The following SEPTIN8 variants were observed in gnomAD, a reference collection of about 807,000 sequenced individuals.
SEPTIN8 encodes septin-8.
In SEPTIN8, 22 loss-of-function variants were observed where a neutral mutation model predicts 53.1. The observed-to-expected ratio is 0.41, with a 90% CI of 0.30 to 0.59. The LOEUF is 0.59. Ranked by LOEUF, SEPTIN8 falls within the 20% of genes least tolerant of loss-of-function variation. The pLI is 0.24. For synonymous variants in SEPTIN8, 228 were observed against 248.4 expected (o/e 0.92, Z 0.77); for missense variants, 536 against 638.7 (o/e 0.84, Z 1.73).
Position 132,767,943 on chromosome 5 carries a change from CCACACACACACA to C in SEPTIN8, c.31-2426_31-2415del, listed in dbSNP as rs57640097. The stretch of plus-strand genomic sequence containing the variant: ...CCACCAAGTCAGCTGTGTCTGGAAA[CCACACACACACA>C]CACACACACACACACACACACACAC... On this transcript the variant is annotated intron_variant, in intron 1 of 9. Transcript: ENST00000378719. Among the ~76,000 whole-genome samples the C allele has an allele frequency of 2.5e-3, 323 of 127,972 alleles. 1 individual carries two copies. Among genetic ancestry groups the C allele is most frequent in the African/African-American group, 8.1e-3 (281 of 34,702 alleles). 84.0% of individuals were successfully genotyped at this position (127,972 alleles called of 152,430 possible).
rs1756111317 is a variant in SEPTIN8, at chr5:132,762,656, CAG to C, written c.535-13_535-12del. The C allele has an allele frequency of 1.2e-6, 2 of 1,614,092 alleles. No homozygotes were observed. The highest frequency in any genetic ancestry group is 8.5e-7 in the Non-Finnish European group (1 of 1,179,962). The stretch of plus-strand genomic sequence containing the variant: ...GGGAATAATGTTCACCTGCCAGGAT[CAG>C]GGGAGGGGACAGCAGGCTGGTTGGC... On this transcript the variant is annotated splice_polypyrimidine_tract_variant and intron_variant, in intron 4 of 9. Transcript: ENST00000378719.
chr5:132,773,339 GAC>G lies in SEPTIN8; in HGVS notation c.30+3767_30+3768del, dbSNP rs1757496410. ...CAGGAAGGCTGGGGAGGCTGCAAGG[GAC>G]ACACAGAGGCCAGCTGGCCCTCAGG... On this transcript the variant is annotated intron_variant, in intron 1 of 9. Coordinates refer to ENST00000378719, the MANE Select transcript of SEPTIN8 (RefSeq NM_001098811.2). This position sits in a 1 kb window ranked among gnomAD's most constrained non-coding sequence, Gnocchi z 4.2. Among the ~76,000 whole-genome samples, 1 of 152,214 alleles carries G rather than the reference GAC, an allele frequency of 6.6e-6. No homozygotes were observed. Among genetic ancestry groups the G allele is most frequent in the Non-Finnish European group, 1.5e-5 (1 of 68,016 alleles).
rs1185700931 is a variant in SEPTIN8, at chr5:132,776,179, C to T, written c.30+929G>A. Among the ~76,000 whole-genome samples, 1 of 152,106 alleles carries T rather than the reference C, an allele frequency of 6.6e-6. No homozygotes were observed. On this transcript the variant is annotated intron_variant, in intron 1 of 9. Coordinates refer to ENST00000378719, the MANE Select transcript of SEPTIN8 (RefSeq NM_001098811.2). This position sits in a 1 kb window ranked among gnomAD's most constrained non-coding sequence, Gnocchi z 4.4. ...TCCCTCCTCCTCCTCCTCCTTCTCC[C>T]CCTCCTCCCCCTTCCAGCCGACCAG...
intron 9 of SEPTIN8, chr5:132,755,905 G>C: frequency 2.2e-6 from 2 of 920,344 alleles, no homozygotes; most frequent in Non-Finnish European, 2.6e-6. Flanking sequence ...AAAATTCAAA[G>C]AACAGACAAG....
In SEPTIN8 at chr5:132,760,813, C is replaced by T. The variant is rs758845486; in HGVS notation, c.1275G>A (p.Lys425=). Residue 425 remains lysine (K), a synonymous_variant, in exon 9 of 10, where the codon AAG becomes AAA. Transcript: ENST00000378719. The surrounding 1 kb of genome is among the most constrained non-coding windows in gnomAD (Gnocchi z 5.2). ...ATSQQPLRKD[K]DKKNRSDIGA... is the part of the protein sequence containing the mutation. ...AGCCTGCCACCTACTTCTTCTTGTC[C>T]TTGTCCTTCCTCAGGGGCTGCTGCG... 1.2e-6 allele frequency: 2 copies of T among 1,613,662 alleles called. No homozygotes were observed. Among genetic ancestry groups the T allele is most frequent in the Non-Finnish European group, 1.7e-6 (2 of 1,179,986 alleles).
intron 3 of SEPTIN8, 61 bp from the exon 4 acceptor site, chr5:132,763,953 G>GCTT: frequency 2.7e-6 from 4 of 1,478,424 alleles, no homozygotes; most frequent in African/African-American, 2.8e-5. Flanking sequence ...GGGGCTTGGG[G>GCTT]GGCTCAGGGC....
chr5:132,762,918 T>C (rs1756145697), intron 4 of SEPTIN8, among the ~76,000 whole-genome samples: 1 of 152,178 alleles, frequency 6.6e-6, no homozygotes, highest in Non-Finnish European at 1.5e-5. Context: ...CCCCTAGGCA[T>C]ACCCAGCTTT....
At chr5:132,769,558 G>T (rs1756959050) in intron 1 of SEPTIN8, among the ~76,000 whole-genome samples, 1 of 152,148 alleles carries the variant, frequency 6.6e-6, no homozygotes, top group African/African-American at 2.4e-5. Context: ...TGTATTGCAT[G>T]CTTGCTTTGC....
Position 132,765,873 on chromosome 5 carries a change from G to C in SEPTIN8, c.31-344C>G, listed in dbSNP as rs375736957. ...AGGGCCCACCTGTTTTCCTACTCAG[G>C]AGGAGGCCCCAGATGGTCCCAGAGG... On this transcript the variant is annotated intron_variant, in intron 1 of 9. Coordinates refer to ENST00000378719, the MANE Select transcript of SEPTIN8 (RefSeq NM_001098811.2). Among the ~76,000 whole-genome samples, 5 of 152,318 alleles carry C rather than the reference G, an allele frequency of 3.3e-5. No homozygotes were observed. The East Asian group carries it at 5.8e-4, about 18-fold the overall frequency.
chr5:132,763,662 CAGA>C (rs1756236357), intron 4 of SEPTIN8, 41 bp downstream of exon 4: 2 of 1,576,402 alleles, frequency 1.3e-6, no homozygotes, highest in African/African-American at 1.4e-5. Context: ...CGCATCGCAG[CAGA>C]AGACTATGGA....
rs753567516 is a variant in SEPTIN8, at chr5:132,760,886, C to T, written c.1202G>A (p.Arg401Gln). 8.1e-6 allele frequency: 13 copies of T among 1,611,828 alleles called. No individual in the cohort carries two copies. The highest frequency in any genetic ancestry group is 2.7e-5 in the African/African-American group (2 of 74,772). Residue 401 changes from arginine (R) to glutamine (Q), a missense_variant, in exon 9 of 10, where the codon CGG (arginine) becomes CAG (glutamine). Physicochemically the swap from Arg to Gln is conservative, Grantham distance 43 (BLOSUM62 1). Coordinates refer to ENST00000378719, the MANE Select transcript of SEPTIN8 (RefSeq NM_001098811.2). This position sits in a 1 kb window ranked among gnomAD's most constrained non-coding sequence, Gnocchi z 5.2. ...LEEETNAFNR[R>Q]KAAVEALQSQ... ...CTGCAGGGCCTCCACCGCAGCCTTC[C>T]GGCGATTGAAGGCGTTGGTCTCCTC...
At chr5:132,775,738 T>A (rs1420274655) in intron 1 of SEPTIN8, 1 of 152,120 alleles carries the variant, frequency 6.6e-6, no homozygotes, top group African/African-American at 2.4e-5. Flanking sequence ...CACTCACGGG[T>A]CTCTTGGCCT....
chr5:132,765,873 G>A (rs375736957), intron 1 of SEPTIN8, among the ~76,000 whole-genome samples: 2 of 152,200 alleles, frequency 1.3e-5, no homozygotes, highest in Non-Finnish European at 2.9e-5. Context: ...TCCTACTCAG[G>A]AGGAGGCCCC....
Position 132,764,435 on chromosome 5 carries a change from A to G in SEPTIN8, c.152-16T>C. The G allele has an allele frequency of 1.2e-6, 2 of 1,602,040 alleles. No individual in the cohort carries two copies. The highest frequency in any genetic ancestry group is 1.7e-6 in the Non-Finnish European group (2 of 1,172,758). On this transcript the variant is annotated splice_polypyrimidine_tract_variant and intron_variant, in intron 2 of 9. Coordinates refer to ENST00000378719, the MANE Select transcript of SEPTIN8 (RefSeq NM_001098811.2). ...CCGGTCTCCCCTGGGCAGTGAGGAC[A>G]GGAGGGGAAGAAGTGGGTGTCATAG...
chr5:132,770,111 A>G (rs557701066), intron 1 of SEPTIN8, among the ~76,000 whole-genome samples: 16 of 74,480 alleles, frequency 2.1e-4, no homozygotes, highest in South Asian at 6.3e-4. Flanking sequence ...GTATATATGT[A>G]TATATATATA....
rs143478652 is a variant in SEPTIN8 at position 132,762,226 on chromosome 5, C to T, written c.696+258G>A. 2.6e-5 allele frequency among the ~76,000 whole-genome samples: 4 copies of T among 152,340 alleles called. No individual in the cohort carries two copies. In the East Asian group the frequency reaches 7.7e-4, roughly 29 times the overall value. Reference sequence around the variant, plus strand: ...CCAAACCCTTAAGCCTGCTCAACTGCTTCCATTTCCAGGCTCCTCCATGAG... The same window carrying T: ...CCAAACCCTTAAGCCTGCTCAACTGTTTCCATTTCCAGGCTCCTCCATGAG... On this transcript the variant is annotated intron_variant, in intron 5 of 9. Coordinates refer to ENST00000378719, the MANE Select transcript of SEPTIN8 (RefSeq NM_001098811.2).
intron 4 of SEPTIN8, among the ~76,000 whole-genome samples, chr5:132,762,981 G>A (rs1756150594): frequency 6.6e-6 from 1 of 152,170 alleles, no homozygotes; most frequent in African/African-American, 2.4e-5. Flanking sequence ...CAGAAGGAGT[G>A]GTGGGGGGGC....
chr5:132,774,298 C>T (rs1757593116), intron 1 of SEPTIN8: 1 of 164,502 alleles, frequency 6.1e-6, no homozygotes, highest in African/African-American at 2.4e-5. Context: ...CTTCCTCTCC[C>T]CCTCAGCTTC....
upstream of SEPTIN8, chr5:132,777,383 G>A: frequency 9.8e-7 from 1 of 1,021,928 alleles, no homozygotes; most frequent in Admixed American, 5.7e-5. The surrounding 1 kb of genome is among the most constrained non-coding windows in gnomAD (Gnocchi z 4.1). Flanking sequence ...CGCTTGGACG[G>A]CCGGGGGTCT....
Sources: gnomAD v4.1 joint callset for allele counts (sites outside exome capture counted in the v4.1 genomes callset) on GRCh38, gnomAD v4.1.1 for gene constraint, Gnocchi (gnomAD v3.1) non-coding constraint, MANE v1.5 for transcripts, NCBI Gene and HGNC (gene_info 2026-07-23, HGNC 2026-07-21) for gene names.